The following SMARCD3 variants were observed in gnomAD, a reference collection of about 807,000 sequenced individuals.
SMARCD3 encodes the protein SWI/SNF-related matrix-associated actin-dependent regulator of chromatin subfamily D member 3.
SMARCD3 carries 14 observed loss-of-function variants against 58.0 expected under a neutral mutation model. The observed-to-expected ratio is 0.24, with a 90% CI of 0.16 to 0.38. The LOEUF (loss-of-function observed/expected upper bound fraction) is 0.38, where lower values mean the gene tolerates loss of function less well. SMARCD3 is among the 10% of genes least tolerant of loss of function. The pLI is 1.00. For missense variants in SMARCD3, 408 were observed against 636.9 expected (o/e 0.64, Z 3.87); for synonymous variants, 253 against 253.8 (o/e 1.00, Z 0.03).
At position 151,248,376 on chromosome 7, in the gene SMARCD3, C is replaced by T; in HGVS notation, c.78+109G>A. 1 of 961,246 alleles carries T rather than the reference C, an allele frequency of 1.0e-6. No homozygotes were observed. The highest frequency in any genetic ancestry group is 1.6e-6 in the Non-Finnish European group (1 of 610,774). The allele number at this position is 961,246 out of a possible 1,614,324, so 59.5% of individuals were successfully genotyped here. On this transcript the variant is annotated intron_variant, in intron 1 of 12. Transcript: ENST00000262188. This position sits in a 1 kb window ranked among gnomAD's most constrained non-coding sequence, Gnocchi z 6.1. ...CCGGGCCGTGGGCCATGACGCCCCC[C>T]ACTAGAGGGGTGGGAGAGCGGGAGC...
At chr7:151,271,717 G>A (rs1247726316) in intron 2 of SMARCD3, among the ~76,000 whole-genome samples, 1 of 152,108 alleles carries the variant, frequency 6.6e-6, no homozygotes, top group Non-Finnish European at 1.5e-5. Context: ...TTGGGAGGCT[G>A]AAGTGGGAGG....
chr7:151,259,673 G>C (rs773765463), intron 2 of SMARCD3, among the ~76,000 whole-genome samples: 14 of 133,228 alleles, frequency 1.1e-4, no homozygotes, highest in Non-Finnish European at 1.2e-4. Flanking sequence ...GCAATGGCAT[G>C]ATCTTGGCTC....
upstream of SMARCD3, chr7:151,277,030 G>A (rs1795369192): frequency 1.3e-5 from 2 of 149,756 alleles, no homozygotes; most frequent in African/African-American, 4.9e-5. Flanking sequence ...CGGCCGGGAG[G>A]CGCCTTCGCC....
Position 151,242,319 on chromosome 7 carries a change from A to G in SMARCD3, c.580-87T>C, listed in dbSNP as rs1453000137. The G allele has an allele frequency of 2.2e-6, 3 of 1,393,100 alleles. No individual in the cohort carries two copies. Among genetic ancestry groups the G allele is most frequent in the Non-Finnish European group, 3.1e-6 (3 of 981,728 alleles). The allele number at this position is 1,393,100 out of a possible 1,614,324, so 86.3% of individuals were successfully genotyped here. A position where few individuals can be genotyped will look rare whatever the true frequency, so the allele number is the denominator to read the frequency against. ...AGGCCAAGTTGGCAGCCGACAGGGCAGTGGGCTTAGATGAAATCCTCTGCA... is the reference window on the plus strand; with the variant it reads ...AGGCCAAGTTGGCAGCCGACAGGGCGGTGGGCTTAGATGAAATCCTCTGCA... On this transcript the variant is annotated intron_variant, in intron 5 of 12. Transcript: ENST00000262188. This position sits in a 1 kb window ranked among gnomAD's most constrained non-coding sequence, Gnocchi z 4.7.
chr7:151,243,718 G>C lies in SMARCD3; in HGVS notation c.291-17C>G. ...CTCTTGGCACTGTACATTTTTTAAA[G>C]AAAAAACCAGGTTACCATGGCGACA... On this transcript the variant is annotated splice_polypyrimidine_tract_variant and intron_variant, in intron 2 of 12. Coordinates refer to ENST00000262188, the MANE Select transcript of SMARCD3 (RefSeq NM_001003801.2). This position sits in a 1 kb window ranked among gnomAD's most constrained non-coding sequence, Gnocchi z 4.4. The C allele has an allele frequency of 6.3e-7, 1 of 1,598,898 alleles. No homozygotes were observed. Among genetic ancestry groups the C allele is most frequent in the Non-Finnish European group, 8.6e-7 (1 of 1,166,222 alleles).
chr7:151,247,002 A>G (rs1803299303), intron 1 of SMARCD3, among the ~76,000 whole-genome samples: 1 of 152,074 alleles, frequency 6.6e-6, no homozygotes, highest in Non-Finnish European at 1.5e-5. Flanking sequence ...CTGGTCCTCC[A>G]GGCTCTGTGT....
chr7:151,274,526 C>T (rs559818644), intron 2 of SMARCD3, among the ~76,000 whole-genome samples: 12 of 152,248 alleles, frequency 7.9e-5, no homozygotes, highest in Non-Finnish European at 1.8e-4. Context: ...TTGGCTCCCA[C>T]TGCGGGCTGT....
intron 2 of SMARCD3, among the ~76,000 whole-genome samples, chr7:151,258,144 AC>A (rs1437271966): frequency 5.3e-5 from 8 of 152,012 alleles, no homozygotes; most frequent in Admixed American, 4.6e-4. Flanking sequence ...TTGGCTCTGG[AC>A]CCAGCAGCCC....
chr7:151,270,942 T>A (rs902482836), intron 2 of SMARCD3, among the ~76,000 whole-genome samples: 3 of 152,196 alleles, frequency 2.0e-5, no homozygotes, highest in Admixed American at 6.5e-5. Context: ...ATGTGGCAGT[T>A]GTTCCAATGG....
Position 151,258,479 on chromosome 7 carries a change from C to T in SMARCD3, c.40-12808G>A, listed in dbSNP as rs1300474422. 3.3e-5 allele frequency among the ~76,000 whole-genome samples: 5 copies of T among 149,956 alleles called. No homozygotes were observed. In the South Asian group the frequency reaches 6.3e-4, roughly 19 times the overall value. ...ACTTGGGAGGCTGAGGCAGGAGAATCGCTTGAATCCAGGAGGCAGAGGTTG... is the reference window on the plus strand; with the variant it reads ...ACTTGGGAGGCTGAGGCAGGAGAATTGCTTGAATCCAGGAGGCAGAGGTTG... On this transcript the variant is annotated intron_variant, in intron 2 of 13. Transcript: ENST00000356800.
upstream of SMARCD3, chr7:151,248,802 G>C (rs1803406178): frequency 1.8e-6 from 1 of 554,066 alleles, no homozygotes. The surrounding 1 kb of genome is among the most constrained non-coding windows in gnomAD (Gnocchi z 6.1). Context: ...GCACTGATAA[G>C]ACAGAAATAG....
rs1803033232 is a variant in SMARCD3 at position 151,242,287 on chromosome 7, CAGA to C, written c.580-58_580-56del. The C allele has an allele frequency of 4.1e-6, 6 of 1,478,844 alleles. No homozygotes were observed. The South Asian group carries it at 4.5e-5, about 11-fold the overall frequency. The allele number at this position is 1,478,844 out of a possible 1,614,324, so 91.6% of individuals were successfully genotyped here. A position where few individuals can be genotyped will look rare whatever the true frequency, so the allele number is the denominator to read the frequency against. ...CAGAACAGGGACGAGGTGGGAGGAGCAGAAGGAGGCCAAGTTGGCAGCCGACAG... is the reference window on the plus strand; with the variant it reads ...CAGAACAGGGACGAGGTGGGAGGAGCAGGAGGCCAAGTTGGCAGCCGACAG... On this transcript the variant is annotated intron_variant, in intron 5 of 12. Coordinates refer to ENST00000262188, the MANE Select transcript of SMARCD3 (RefSeq NM_001003801.2). The surrounding 1 kb of genome is among the most constrained non-coding windows in gnomAD (Gnocchi z 4.7).
Position 151,242,034 on chromosome 7 carries a change from C to A in SMARCD3, c.676-56G>T, listed in dbSNP as rs1470500198. On this transcript the variant is annotated intron_variant, in intron 6 of 12. Coordinates refer to ENST00000262188, the MANE Select transcript of SMARCD3 (RefSeq NM_001003801.2). The surrounding 1 kb of genome is among the most constrained non-coding windows in gnomAD (Gnocchi z 4.7). ...AAGGCCCATCTGGAGTGGTGGGGCC[C>A]AGGACTCTAGGGTGGTCCCTGACCC... 6.4e-7 allele frequency: 1 copy of A among 1,558,032 alleles called. No homozygotes were observed. Among genetic ancestry groups the A allele is most frequent in the Non-Finnish European group, 8.8e-7 (1 of 1,130,750 alleles).
Position 151,243,650 on chromosome 7 carries a change from G to T in SMARCD3, c.333+9C>A. The T allele has an allele frequency of 6.3e-7, 1 of 1,585,404 alleles. No homozygotes were observed. The highest frequency in any genetic ancestry group is 8.7e-7 in the Non-Finnish European group (1 of 1,154,026). On this transcript the variant is annotated intron_variant, in intron 3 of 12. Transcript: ENST00000262188. This position sits in a 1 kb window ranked among gnomAD's most constrained non-coding sequence, Gnocchi z 4.4. Reference sequence around the variant, plus strand: ...GGGTGGGCTGGGGGCTGCTGTGAAAGGCACTCACCCTTTGAGGGAGGATTT... The same window carrying T: ...GGGTGGGCTGGGGGCTGCTGTGAAATGCACTCACCCTTTGAGGGAGGATTT...
At chr7:151,268,739 T>C (rs1302454084) in intron 2 of SMARCD3, among the ~76,000 whole-genome samples, 1 of 152,142 alleles carries the variant, frequency 6.6e-6, no homozygotes, top group Non-Finnish European at 1.5e-5. Flanking sequence ...GTGTTGTGGT[T>C]AGGATAAATT....
chr7:151,273,899 T>C (rs1795253785), intron 2 of SMARCD3, among the ~76,000 whole-genome samples: 1 of 152,052 alleles, frequency 6.6e-6, no homozygotes, highest in East Asian at 1.9e-4. Context: ...TGGGGCAGTT[T>C]GAAGGGGAAC....
At chr7:151,257,900 C>G (rs1180231732) in intron 2 of SMARCD3, among the ~76,000 whole-genome samples, 2 of 152,178 alleles carry the variant, frequency 1.3e-5, no homozygotes, top group Non-Finnish European at 2.9e-5. Flanking sequence ...CAGCCCGGTC[C>G]TCTCTCCCAG....
Position 151,241,609 on chromosome 7 carries a change from C to T in SMARCD3, c.822G>A (p.Gly274=), listed in dbSNP as rs771138016. The change falls in exon 8 of 13, where the codon GGG becomes GGA. Residue 274 remains glycine (G), a synonymous_variant. Coordinates refer to ENST00000262188, the MANE Select transcript of SMARCD3 (RefSeq NM_001003801.2). The surrounding 1 kb of genome is among the most constrained non-coding windows in gnomAD (Gnocchi z 5.3). ...KLDPRLARLL[G]LHTQSRSAIV... ...TGGCTGAGCGGCTCTGTGTGTGCAGCCCCAGCAGCCGGGCTAGGCGGGGAT... is the reference window on the plus strand; with the variant it reads ...TGGCTGAGCGGCTCTGTGTGTGCAGTCCCAGCAGCCGGGCTAGGCGGGGAT... 6.2e-7 allele frequency: 1 copy of T among 1,611,502 alleles called. No homozygotes were observed. Among genetic ancestry groups the T allele is most frequent in the South Asian group, 1.1e-5 (1 of 90,432 alleles).
In SMARCD3 at chr7:151,275,053, C is replaced by G. The variant is rs946596905; in HGVS notation, c.39+61G>C. The G allele has an allele frequency of 4.2e-6, 6 of 1,419,748 alleles. No homozygotes were observed. The African/African-American group carries it at 8.4e-5, about 20-fold the overall frequency. The allele number at this position is 1,419,748 out of a possible 1,614,324, so 87.9% of individuals were successfully genotyped here. ...GGTGGGAGCAGGAGCCGAGGGCTGGCCGACTCGCCATGGGGCCCCAGAGCT... is the reference window on the plus strand; with the variant it reads ...GGTGGGAGCAGGAGCCGAGGGCTGGGCGACTCGCCATGGGGCCCCAGAGCT... On this transcript the variant is annotated intron_variant, in intron 2 of 13. Transcript: ENST00000356800.
Sources: allele counts gnomAD v4.1 joint callset (sites outside exome capture counted in the v4.1 genomes callset), GRCh38; gene constraint gnomAD v4.1.1; non-coding constraint Gnocchi (gnomAD v3.1); transcripts MANE v1.5; gene names NCBI Gene and HGNC (gene_info 2026-07-23, HGNC 2026-07-21).